TXK: variants seen among roughly 807,000 people sequenced by gnomAD.
TXK encodes the protein TXK tyrosine kinase.
A neutral mutation model predicts 81.0 loss-of-function variants in TXK; 60 were observed. The observed-to-expected ratio is 0.74, with a 90% CI of 0.60 to 0.92. The LOEUF is 0.92. TXK is among the 40% of genes least tolerant of loss of function. The probability of loss-of-function intolerance (pLI) is 0.00; values close to 1 mark genes in which losing one functional copy is unlikely to be tolerated. For missense variants in TXK, 581 were observed against 638.3 expected (o/e 0.91, Z 0.97); for synonymous variants, 203 against 210.7 (o/e 0.96, Z 0.32).
At position 48,086,611 on chromosome 4, in the gene TXK, A is replaced by C; in HGVS notation, c.811T>G (p.Leu271Val). The C allele has an allele frequency of 6.2e-7, 1 of 1,614,048 alleles. No homozygotes were observed. Among genetic ancestry groups the C allele is most frequent in the Non-Finnish European group, 8.5e-7 (1 of 1,179,964 alleles). ...CTTCCAATCTCCTTTATAAAAGCCA[A>C]CTCAGATGGATCTATCTCCCACTTT... Reference protein sequence around the residue: ...YEKWEIDPSELAFIKEIGSGQ... With the variant: ...YEKWEIDPSEVAFIKEIGSGQ... The change falls in exon 10 of 15, where the codon TTG becomes GTG. Residue 271 changes from leucine (L) to valine (V), a missense_variant. Coordinates refer to ENST00000264316, the MANE Select transcript of TXK (RefSeq NM_003328.3).
At chr4:48,076,256 GT>G (rs1717063709) in intron 12 of TXK, 145 bp downstream of exon 12, 1 of 507,556 alleles carries the variant, frequency 2.0e-6, no homozygotes, top group East Asian at 3.4e-5. Flanking sequence ...TTCAAAGTGG[GT>G]CAGTAGGCCA....
chr4:48,122,410 C>T (rs1469416904), intron 1 of TXK, among the ~76,000 whole-genome samples: 1 of 152,168 alleles, frequency 6.6e-6, no homozygotes, highest in Admixed American at 6.5e-5. Context: ...CCAATCCCTC[C>T]AAGTCTTTGC....
rs1197823029 is a variant in TXK, at chr4:48,067,054, AT to A, written c.*582del. 6.6e-6 allele frequency: 1 copy of A among 152,406 alleles called. No homozygotes were observed. The highest frequency in any genetic ancestry group is 2.4e-5 in the African/African-American group (1 of 41,456). The allele number at this position is 152,406 out of a possible 1,614,324, so 9.4% of individuals were successfully genotyped here. A position where few individuals can be genotyped will look rare whatever the true frequency, so the allele number is the denominator to read the frequency against. On this transcript the variant is annotated 3_prime_UTR_variant, in exon 15 of 15. Coordinates refer to ENST00000264316, the MANE Select transcript of TXK (RefSeq NM_003328.3). ...AAAAAACTGCTTTCAATATAATCAG[AT>A]ATGTGCAAAAACAATTTGTTAAATA...
chr4:48,086,812 C>T (rs1242545060), intron 9 of TXK, among the ~76,000 whole-genome samples, 175 bp from the exon 10 acceptor site: 1 of 152,166 alleles, frequency 6.6e-6, no homozygotes, highest in African/African-American at 2.4e-5. Context: ...AATTCAAGGA[C>T]TCAAGTTTCA....
intron 6 of TXK, among the ~76,000 whole-genome samples, chr4:48,101,898 G>T (rs1046629214): frequency 6.6e-6 from 1 of 151,614 alleles, no homozygotes; most frequent in African/African-American, 2.4e-5. Context: ...TCTCCTAAAA[G>T]CCAGAAACCA....
At chr4:48,103,489 T>A (rs1226889705) in intron 6 of TXK, among the ~76,000 whole-genome samples, 7 of 152,264 alleles carry the variant, frequency 4.6e-5, no homozygotes, top group African/African-American at 1.7e-4. Flanking sequence ...TAGCCCCTGC[T>A]ATGAAGTAGG....
At chr4:48,119,143 C>T (rs1718885449) in intron 1 of TXK, among the ~76,000 whole-genome samples, 2 of 152,108 alleles carry the variant, frequency 1.3e-5, no homozygotes, top group African/African-American at 4.8e-5. Flanking sequence ...CAACCAGAAC[C>T]CAGAGGGCTT....
intron 9 of TXK, 62 bp from the exon 10 acceptor site, chr4:48,086,699 G>T: frequency 6.7e-7 from 1 of 1,488,840 alleles, no homozygotes; most frequent in Admixed American, 1.8e-5. Flanking sequence ...ATTAGGGCTG[G>T]AAAATGTTTA....
At chr4:48,077,314 T>C (rs945890883) in intron 11 of TXK, among the ~76,000 whole-genome samples, 4 of 152,188 alleles carry the variant, frequency 2.6e-5, no homozygotes, top group African/African-American at 7.2e-5. Context: ...TTTCAGCTAA[T>C]TTGTGGTTCA....
chr4:48,079,890 A>G lies in TXK; in HGVS notation c.1173+22T>C, dbSNP rs762209338. The stretch of plus-strand genomic sequence containing the variant: ...ATATAGGTATGATACAAAAAAAAAA[A>G]GTAAATTTGCACCATACTTACCAAA... On this transcript the variant is annotated intron_variant, in intron 11 of 14. Coordinates refer to ENST00000264316, the MANE Select transcript of TXK (RefSeq NM_003328.3). 5 of 1,516,484 alleles carry G rather than the reference A, an allele frequency of 3.3e-6. No individual in the cohort carries two copies. The South Asian group carries it at 4.5e-5, about 14-fold the overall frequency. 93.9% of individuals were successfully genotyped at this position (1,516,484 alleles called of 1,614,324 possible). A position where few individuals can be genotyped will look rare whatever the true frequency, so the allele number is the denominator to read the frequency against.
intron 4 of TXK, 78 bp from the exon 5 acceptor site, chr4:48,110,681 C>T: frequency 1.9e-6 from 2 of 1,058,214 alleles, no homozygotes; most frequent in Admixed American, 3.9e-5. Context: ...CTTTTAAAAC[C>T]TCAAGGATGT....
At chr4:48,096,007 A>C (rs1172746671) in intron 6 of TXK, among the ~76,000 whole-genome samples, 5 of 152,240 alleles carry the variant, frequency 3.3e-5, no homozygotes, top group Non-Finnish European at 5.9e-5. Context: ...AAACCCATAG[A>C]AGCTTACACT....
chr4:48,131,740 C>T (rs954225425), intron 1 of TXK, among the ~76,000 whole-genome samples: 1 of 152,206 alleles, frequency 6.6e-6, no homozygotes, highest in African/African-American at 2.4e-5. Flanking sequence ...TCAACACTCA[C>T]AGTGATTTAT....
At chr4:48,108,581 A>C (rs559538419) in intron 5 of TXK, among the ~76,000 whole-genome samples, 1 of 152,352 alleles carries the variant, frequency 6.6e-6, no homozygotes, top group South Asian at 2.1e-4. Context: ...AGTGCTTGGC[A>C]CATAGTGATC....
chr4:48,127,861 G>A (rs1484044872), intron 1 of TXK, among the ~76,000 whole-genome samples: 1 of 152,130 alleles, frequency 6.6e-6, no homozygotes, highest in Non-Finnish European at 1.5e-5. Flanking sequence ...GCGCCCCTCT[G>A]TCCTCTAGGA....
chr4:48,080,307 G>T, intron 10 of TXK, 179 bp from the exon 11 acceptor site: 1 of 603,676 alleles, frequency 1.7e-6, no homozygotes, highest in Middle Eastern at 4.2e-4. Context: ...TGAGAATGTG[G>T]GGTCAAGAGT....
At chr4:48,105,850 C>T (rs574557722) in intron 5 of TXK, among the ~76,000 whole-genome samples, 7 of 152,226 alleles carry the variant, frequency 4.6e-5, no homozygotes, top group African/African-American at 1.4e-4. Flanking sequence ...CCCTTTTCTG[C>T]CCCCAATCAT....
chr4:48,089,197 G>A (rs973986789), intron 9 of TXK, among the ~76,000 whole-genome samples: 1 of 152,124 alleles, frequency 6.6e-6, no homozygotes. Flanking sequence ...TGAAGATTAA[G>A]GCTCCTGGTA....
intron 1 of TXK, among the ~76,000 whole-genome samples, chr4:48,130,211 C>G (rs896643805): frequency 5.3e-5 from 8 of 152,208 alleles, no homozygotes; most frequent in African/African-American, 1.9e-4. Context: ...GCTTCTCCTG[C>G]TTTTGCCACA....
Sources: gnomAD v4.1 joint callset for allele counts (sites outside exome capture counted in the v4.1 genomes callset) on GRCh38, gnomAD v4.1.1 for gene constraint, MANE v1.5 for transcripts, NCBI Gene and HGNC (gene_info 2026-07-23, HGNC 2026-07-21) for gene names.